The following DPYD variants were observed in gnomAD, a reference collection of about 807,000 sequenced individuals.
DPYD encodes the protein dihydropyrimidine dehydrogenase [NADP(+)].
Under a neutral mutation model 116.2 loss-of-function variants are expected in DPYD, and 109 were observed. That is an observed-to-expected ratio of 0.94 (90% CI 0.80 to 1.10). The LOEUF is 1.10. DPYD is among the 50% of genes least tolerant of loss of function. The pLI is 0.00. For synonymous variants in DPYD, 440 were observed against 432.0 expected, an observed-to-expected ratio of 1.02 and a Z score of -0.23; for missense variants, 1,302 against 1,254.5, an observed-to-expected ratio of 1.04 and a Z score of -0.57.
Position 97,897,088 on chromosome 1 carries a change from G to A in DPYD, c.40-13714C>T, listed in dbSNP as rs113058033. Among the ~76,000 whole-genome samples the A allele has an allele frequency of 4.0e-3, 607 of 151,810 alleles. 5 individuals carry two copies. Among genetic ancestry groups the A allele is most frequent in the African/African-American group, 0.014 (580 of 41,452 alleles). ...TTTCCTTTAATATTTCTTGTAATGC[G>A]GGTCTGCTGCTTATAAATGTTTGCA... On this transcript the variant is annotated intron_variant, in intron 1 of 22. Transcript: ENST00000370192.
At chr1:97,624,415 T>C (rs1008791541) in intron 8 of DPYD, among the ~76,000 whole-genome samples, 3 of 151,856 alleles carry the variant, frequency 2.0e-5, no homozygotes, top group South Asian at 4.1e-4. Context: ...ATTAAAACAA[T>C]GAAATATCAT....
At chr1:97,499,272 G>A (rs1193708204) in intron 13 of DPYD, among the ~76,000 whole-genome samples, 2 of 151,634 alleles carry the variant, frequency 1.3e-5, no homozygotes, top group African/African-American at 4.8e-5. Context: ...TGAATAATTT[G>A]TTTATGAAGT....
intron 8 of DPYD, among the ~76,000 whole-genome samples, chr1:97,622,820 A>T (rs1222762687): frequency 1.3e-5 from 2 of 152,028 alleles, no homozygotes; most frequent in African/African-American, 4.8e-5. Flanking sequence ...ATATAATTAG[A>T]TGTTATTTTA....
intron 8 of DPYD, among the ~76,000 whole-genome samples, chr1:97,653,538 C>T (rs999939404): frequency 1.3e-5 from 2 of 151,960 alleles, no homozygotes; most frequent in Non-Finnish European, 2.9e-5. Flanking sequence ...CTCCTGACCT[C>T]GTGATCTGCC....
intron 19 of DPYD, among the ~76,000 whole-genome samples, chr1:97,205,045 T>C (rs1035939811): frequency 1.3e-5 from 2 of 152,050 alleles, no homozygotes; most frequent in Non-Finnish European, 1.5e-5. Flanking sequence ...ATTGGGCAGA[T>C]AGTACATAGA....
chr1:97,532,912 T>A (rs568678596), intron 12 of DPYD, among the ~76,000 whole-genome samples: 1 of 132,634 alleles, frequency 7.5e-6, no homozygotes, highest in East Asian at 2.4e-4. Flanking sequence ...GGCTTAGTTG[T>A]TTTTTTTTTT....
intron 10 of DPYD, among the ~76,000 whole-genome samples, chr1:97,577,868 T>C (rs991719309): frequency 1.3e-5 from 2 of 152,082 alleles, no homozygotes; most frequent in Admixed American, 6.6e-5. Context: ...AGACGGAGTT[T>C]CGCTCTGTTG....
intron 18 of DPYD, among the ~76,000 whole-genome samples, chr1:97,254,437 G>T (rs1469970964): frequency 6.6e-6 from 1 of 151,780 alleles, no homozygotes; most frequent in African/African-American, 2.4e-5. Context: ...CACTTTTTTA[G>T]ATTTCTGAAA....
intron 21 of DPYD, among the ~76,000 whole-genome samples, chr1:97,095,160 T>C (rs1442501018): frequency 6.6e-6 from 1 of 152,286 alleles, no homozygotes; most frequent in East Asian, 1.9e-4. Flanking sequence ...TTGTTTATTA[T>C]GGCACAAATA....
rs145228578 is a variant in DPYD at position 97,515,643 on chromosome 1, T to TA, written c.1740+82dup. 9.7e-3 allele frequency: 11,872 copies of TA among 1,222,410 alleles called. 818 individuals are homozygous for TA. The African/African-American group carries it at 0.15, about 16-fold the overall frequency. The allele number at this position is 1,222,410 out of a possible 1,614,324, so 75.7% of individuals were successfully genotyped here. On this transcript the variant is annotated intron_variant, in intron 13 of 22. Coordinates refer to ENST00000370192, the MANE Select transcript of DPYD (RefSeq NM_000110.4). ...TAGTTTAATAAGTAGTATTTCTTAG[T>TA]AAAAAAAATCCATTATAATGTTTAT...
At chr1:97,912,573 T>C (rs1674003894) in intron 1 of DPYD, among the ~76,000 whole-genome samples, 1 of 152,124 alleles carries the variant, frequency 6.6e-6, no homozygotes, top group Middle Eastern at 3.2e-3. Context: ...GGGATGACTA[T>C]GTATCTTTGG....
intron 13 of DPYD, among the ~76,000 whole-genome samples, chr1:97,479,569 T>C (rs1482466519): frequency 1.3e-5 from 2 of 152,124 alleles, no homozygotes; most frequent in Admixed American, 6.6e-5. Flanking sequence ...ACTAAAAAAG[T>C]TTGAAACATT....
chr1:97,433,723 T>C lies in DPYD; in HGVS notation c.1905+16336A>G, dbSNP rs1245231637. Among the ~76,000 whole-genome samples the C allele has an allele frequency of 2.0e-5, 3 of 152,158 alleles. No homozygotes were observed. In the East Asian group the frequency reaches 5.8e-4, roughly 29 times the overall value. On this transcript the variant is annotated intron_variant, in intron 14 of 22. Coordinates refer to ENST00000370192, the MANE Select transcript of DPYD (RefSeq NM_000110.4). The stretch of plus-strand genomic sequence containing the variant: ...GAATTGGAAAGGCCTTGGAAGGTTT[T>C]AAGCAGAGATTAGGCAACAACTGTG...
At position 97,455,477 on chromosome 1, in the gene DPYD, A is replaced by T. The variant is rs370225313; in HGVS notation, c.1741-5254T>A. On this transcript the variant is annotated intron_variant, in intron 13 of 22. Coordinates refer to ENST00000370192, the MANE Select transcript of DPYD (RefSeq NM_000110.4). ...CATGACCAACTGTTTCCTAAAATAT[A>T]TCACTTTCCTAATAAAATCCTACTG... Among the ~76,000 whole-genome samples, 24 of 152,074 alleles carry T rather than the reference A, an allele frequency of 1.6e-4. No homozygotes were observed. The East Asian group carries it at 1.9e-3, about 12-fold the overall frequency.
chr1:97,698,784 T>A (rs550956484), intron 6 of DPYD, among the ~76,000 whole-genome samples: 1 of 151,952 alleles, frequency 6.6e-6, no homozygotes, highest in Admixed American at 6.6e-5. Flanking sequence ...AGAGTTCTGT[T>A]TATTTTCAAT....
At chr1:97,280,903 A>G (rs1304946480) in intron 18 of DPYD, among the ~76,000 whole-genome samples, 1 of 152,198 alleles carries the variant, frequency 6.6e-6, no homozygotes, top group African/African-American at 2.4e-5. Context: ...ATCTCCACAA[A>G]GAAATGATAA....
intron 2 of DPYD, among the ~76,000 whole-genome samples, chr1:97,842,089 T>C (rs1005132250): frequency 6.6e-6 from 1 of 151,906 alleles, no homozygotes; most frequent in African/African-American, 2.4e-5. Flanking sequence ...TTACTATTAG[T>C]GGAATTTCAC....
intron 3 of DPYD, among the ~76,000 whole-genome samples, chr1:97,751,936 TA>T (rs1664952894): frequency 6.6e-6 from 1 of 152,114 alleles, no homozygotes; most frequent in Non-Finnish European, 1.5e-5. Flanking sequence ...CTAATTTTTG[TA>T]TTTTTATTAG....
At chr1:97,593,929 A>G (rs1654704396) in intron 9 of DPYD, among the ~76,000 whole-genome samples, 1 of 152,166 alleles carries the variant, frequency 6.6e-6, no homozygotes, top group Non-Finnish European at 1.5e-5. Flanking sequence ...TTCTTGAAAT[A>G]GTTCAAATAA....
Sources: gnomAD v4.1 joint callset for allele counts (sites outside exome capture counted in the v4.1 genomes callset) on GRCh38, gnomAD v4.1.1 for gene constraint, MANE v1.5 for transcripts, NCBI Gene and HGNC (gene_info 2026-07-23, HGNC 2026-07-21) for gene names.